The following FHOD3 variants were observed in gnomAD, a reference collection of about 807,000 sequenced individuals.
The protein encoded by FHOD3 is FH1/FH2 domain-containing protein 3.
FHOD3 carries 90 observed loss-of-function variants against 173.0 expected under a neutral mutation model. The observed-to-expected ratio is 0.52, with a 90% CI of 0.44 to 0.62. FHOD3 has a LOEUF of 0.62. FHOD3 is among the 20% of genes least tolerant of loss of function. The pLI is 0.00. For missense variants in FHOD3, 1,945 were observed against 2,034.7 expected, an observed-to-expected ratio of 0.96 and a Z score of 0.85; for synonymous variants, 828 against 823.0, an observed-to-expected ratio of 1.01 and a Z score of -0.10.
intron 5 of FHOD3, among the ~76,000 whole-genome samples, chr18:36,519,070 G>T (rs566941019): frequency 1.3e-5 from 2 of 152,186 alleles, no homozygotes; most frequent in Non-Finnish European, 2.9e-5. Context: ...TGCATGTCCC[G>T]TCTGTGGCTC....
At chr18:36,576,399 T>TTATATTTCTA in intron 5 of FHOD3, 52 bp from the exon 6 acceptor site, 1 of 1,341,906 alleles carries the variant, frequency 7.5e-7, no homozygotes, top group Non-Finnish European at 1.1e-6. Flanking sequence ...TCACTGAAGA[T>TTATATTTCTA]TATATTTCTA....
intron 5 of FHOD3, among the ~76,000 whole-genome samples, chr18:36,555,400 A>AC (rs1248189882): frequency 6.6e-6 from 1 of 151,854 alleles, no homozygotes; most frequent in South Asian, 2.1e-4. Flanking sequence ...AAAAAAAACA[A>AC]AAAACATGCT....
chr18:36,619,822 G>T (rs1371518558), intron 9 of FHOD3, among the ~76,000 whole-genome samples: 2 of 152,206 alleles, frequency 1.3e-5, no homozygotes, highest in African/African-American at 2.4e-5. Context: ...TGAGGTGGGG[G>T]CCAGAAAGAG....
chr18:36,435,603 C>G (rs1216698350), intron 3 of FHOD3, among the ~76,000 whole-genome samples: 1 of 152,098 alleles, frequency 6.6e-6, no homozygotes, highest in Non-Finnish European at 1.5e-5. Flanking sequence ...GAAGATACCT[C>G]AGACATCGCT....
chr18:36,494,862 G>A (rs1312944780), intron 3 of FHOD3, among the ~76,000 whole-genome samples: 5 of 152,022 alleles, frequency 3.3e-5, no homozygotes, highest in Non-Finnish European at 5.9e-5. Context: ...TTGTTTGTTT[G>A]AGAAAGAGAT....
At chr18:36,721,105 A>C (rs952554691) in intron 19 of FHOD3, among the ~76,000 whole-genome samples, 4 of 152,216 alleles carry the variant, frequency 2.6e-5, no homozygotes, top group African/African-American at 9.7e-5. Context: ...TGCCTGAAGC[A>C]GGTAGTGACC....
At chr18:36,567,609 T>C (rs1175681910) in intron 5 of FHOD3, among the ~76,000 whole-genome samples, 2 of 152,098 alleles carry the variant, frequency 1.3e-5, no homozygotes, top group Non-Finnish European at 2.9e-5. Context: ...GAAGAGTAAA[T>C]GGTAGGAGGC....
At chr18:36,380,345 A>G (rs2047675073) in intron 3 of FHOD3, among the ~76,000 whole-genome samples, 1 of 152,198 alleles carries the variant, frequency 6.6e-6, no homozygotes, top group South Asian at 2.1e-4. Flanking sequence ...GCATGTGGGC[A>G]GGAAGAGGCA....
intron 1 of FHOD3, among the ~76,000 whole-genome samples, chr18:36,350,431 G>C (rs2046069987): frequency 1.3e-5 from 2 of 152,122 alleles, no homozygotes; most frequent in African/African-American, 4.8e-5. Context: ...TTCTGTAATA[G>C]CCCTGTAATG....
chr18:36,659,715 T>C (rs1036249746), intron 14 of FHOD3, among the ~76,000 whole-genome samples: 2 of 152,154 alleles, frequency 1.3e-5, no homozygotes, highest in Admixed American at 1.3e-4. Context: ...TTTGGAGGTC[T>C]GTGAAGTTAT....
intron 1 of FHOD3, among the ~76,000 whole-genome samples, chr18:36,343,350 T>C (rs1224839734): frequency 6.6e-6 from 1 of 152,192 alleles, no homozygotes; most frequent in African/African-American, 2.4e-5. Flanking sequence ...TACCAATAAA[T>C]GCTACAGCAT....
chr18:36,450,009 G>A (rs991763597), intron 3 of FHOD3, among the ~76,000 whole-genome samples: 1 of 152,026 alleles, frequency 6.6e-6, no homozygotes, highest in Non-Finnish European at 1.5e-5. Context: ...TGAGATTTTA[G>A]TGCACTTATC....
intron 14 of FHOD3, among the ~76,000 whole-genome samples, chr18:36,663,646 G>T (rs1178883779): frequency 6.6e-6 from 1 of 152,172 alleles, no homozygotes; most frequent in Non-Finnish European, 1.5e-5. Context: ...CTCTCTTATG[G>T]GAATCTCACT....
At chr18:36,316,652 G>T (rs1409069730) in intron 1 of FHOD3, among the ~76,000 whole-genome samples, 2 of 152,198 alleles carry the variant, frequency 1.3e-5, no homozygotes, top group Non-Finnish European at 2.9e-5. Context: ...ACCCGATAAG[G>T]CAAACTGTAA....
intron 28 of FHOD3, among the ~76,000 whole-genome samples, chr18:36,776,708 C>T (rs913712622): frequency 6.6e-6 from 1 of 152,122 alleles, no homozygotes; most frequent in Non-Finnish European, 1.5e-5. Context: ...GTTGGCTTTT[C>T]CCTCACAGCA....
At chr18:36,633,976 T>C (rs933114378) in intron 10 of FHOD3, among the ~76,000 whole-genome samples, 11 of 152,186 alleles carry the variant, frequency 7.2e-5, no homozygotes, top group African/African-American at 2.7e-4. Context: ...CAGTTAGTCA[T>C]AAGTAACCAC....
chr18:36,618,404 C>T (rs2033422401), intron 9 of FHOD3, among the ~76,000 whole-genome samples: 1 of 150,456 alleles, frequency 6.6e-6, no homozygotes, highest in African/African-American at 2.5e-5. Context: ...CCTCCGCCTC[C>T]CGGGTTCAAG....
chr18:36,731,385 A>G (rs982102138), intron 20 of FHOD3, among the ~76,000 whole-genome samples: 1 of 152,170 alleles, frequency 6.6e-6, no homozygotes, highest in Non-Finnish European at 1.5e-5. Flanking sequence ...ATGTTCTTCC[A>G]CAGGCCACGT....
chr18:36,499,868 T>G (rs1425525625), intron 3 of FHOD3, among the ~76,000 whole-genome samples: 1 of 152,164 alleles, frequency 6.6e-6, no homozygotes, highest in Non-Finnish European at 1.5e-5. Context: ...CTCTTCATAA[T>G]TAGCAAGTGT....
Sources: allele counts gnomAD v4.1 joint callset (sites outside exome capture counted in the v4.1 genomes callset), GRCh38; gene constraint gnomAD v4.1.1; transcripts MANE v1.5; gene names NCBI Gene and HGNC (gene_info 2026-07-23, HGNC 2026-07-21).